NSD2: variants seen among roughly 807,000 people sequenced by gnomAD.
NSD2 encodes the protein nuclear receptor binding SET domain protein 2, also known as histone-lysine N-methyltransferase NSD2.
In NSD2, 12 loss-of-function variants were observed where a neutral mutation model predicts 139.0. The ratio of observed to expected loss-of-function variants is 0.09; its 90% CI spans 0.06 to 0.14. The LOEUF (loss-of-function observed/expected upper bound fraction) is 0.14, where lower values mean the gene tolerates loss of function less well. Ranked by LOEUF, NSD2 falls within the 10% of genes least tolerant of loss-of-function variation. NSD2 has a pLI of 1.00. For missense variants in NSD2, 1,155 were observed against 1,745.0 expected (o/e 0.66, Z 6.02); for synonymous variants, 669 against 648.7 (o/e 1.03, Z -0.48).
At chr4:1,912,775 C>G (rs1718851989) in intron 3 of NSD2, among the ~76,000 whole-genome samples, 1 of 152,086 alleles carries the variant, frequency 6.6e-6, no homozygotes, top group Non-Finnish European at 1.5e-5. Context: ...GAGCTCTCTC[C>G]TAGAATCTTC....
At position 1,956,288 on chromosome 4, in the gene NSD2, A is replaced by G. The variant is rs1157761661; in HGVS notation, c.2881+100A>G. ...ATTTGATCTTTATAGAAAATACTGGACTAAGCATTCAATCTGTTTTTTTAA... is the reference window on the plus strand; with the variant it reads ...ATTTGATCTTTATAGAAAATACTGGGCTAAGCATTCAATCTGTTTTTTTAA... On this transcript the variant is annotated intron_variant, in intron 15 of 21. Coordinates refer to ENST00000508803, the MANE Select transcript of NSD2 (RefSeq NM_001042424.3). This position sits in a 1 kb window ranked among gnomAD's most constrained non-coding sequence, Gnocchi z 5.3. 3.8e-6 allele frequency: 4 copies of G among 1,054,752 alleles called. No homozygotes were observed. In the East Asian group the frequency reaches 7.8e-5, roughly 20 times the overall value. The allele number at this position is 1,054,752 out of a possible 1,614,324, so 65.3% of individuals were successfully genotyped here.
chr4:1,932,936 C>G (rs1721841162), intron 6 of NSD2, among the ~76,000 whole-genome samples: 1 of 152,204 alleles, frequency 6.6e-6, no homozygotes, highest in African/African-American at 2.4e-5. Context: ...AACGGGTGTT[C>G]TGAAGGCAGA....
intron 1 of NSD2, among the ~76,000 whole-genome samples, chr4:1,895,974 C>T (rs554015039): frequency 1.3e-5 from 2 of 152,336 alleles, no homozygotes; most frequent in East Asian, 3.9e-4. Context: ...ATGAGGAAGT[C>T]CTCTGCCTGG....
At chr4:1,944,703 T>A (rs1457317899) in intron 9 of NSD2, 46 of 1,064,712 alleles carry the variant, frequency 4.3e-5, no homozygotes, top group Admixed American at 5.4e-5. Context: ...GAATTGTTTT[T>A]CTAAGACTGA....
intron 1 of NSD2, among the ~76,000 whole-genome samples, chr4:1,872,386 G>T (rs1325685045): frequency 6.6e-6 from 1 of 152,142 alleles, no homozygotes; most frequent in South Asian, 2.1e-4. Flanking sequence ...TAAAATCTCG[G>T]CGTTTAAAAA....
chr4:1,933,017 C>T (rs1721855349), intron 6 of NSD2, among the ~76,000 whole-genome samples: 1 of 152,226 alleles, frequency 6.6e-6, no homozygotes, highest in Non-Finnish European at 1.5e-5. Context: ...AGTGCCTGAG[C>T]AGGTCCTGCT....
At chr4:1,878,758 T>G (rs1714488554) in intron 1 of NSD2, among the ~76,000 whole-genome samples, 1 of 152,106 alleles carries the variant, frequency 6.6e-6, no homozygotes, top group Non-Finnish European at 1.5e-5. Flanking sequence ...CATGGGCTGG[T>G]GGCAGAGGTC....
At chr4:1,975,958 C>T (rs1727031715) in intron 20 of NSD2, among the ~76,000 whole-genome samples, 1 of 152,188 alleles carries the variant, frequency 6.6e-6, no homozygotes, top group African/African-American at 2.4e-5. Flanking sequence ...GGCACTCTTG[C>T]ACCCCTTCCC....
At chr4:1,911,491 G>C (rs1718651261) in intron 3 of NSD2, among the ~76,000 whole-genome samples, 2 of 150,976 alleles carry the variant, frequency 1.3e-5, no homozygotes, top group Admixed American at 6.6e-5. Context: ...GGAAGGCTGA[G>C]GCATGAGAAT....
rs763851539 is a variant in NSD2 at position 1,939,657 on chromosome 4, C to T, written c.1760C>T (p.Thr587Met). The T allele has an allele frequency of 1.5e-5, 24 of 1,613,858 alleles. No homozygotes were observed. Among genetic ancestry groups the T allele is most frequent in the East Asian group, 4.5e-5 (2 of 44,898 alleles). The change falls in exon 9 of 22, where the codon ACG becomes ATG. Residue 587 changes from threonine to methionine, a missense_variant. This residue lies in a region of NSD2 where 420 missense variants were observed against 469.0 expected (regional missense o/e 0.90). Coordinates refer to ENST00000508803, the MANE Select transcript of NSD2 (RefSeq NM_001042424.3). ...AASSLKSQAA[T>M]KNLSDACKPL... ...ACAAACCAAAATTATTTTACAGCAACGAAAAATCTGTCTGATGCATGTAAA... is the reference window on the plus strand; with the variant it reads ...ACAAACCAAAATTATTTTACAGCAATGAAAAATCTGTCTGATGCATGTAAA...
At position 1,959,721 on chromosome 4, in the gene NSD2, C is replaced by T; in HGVS notation, c.3236C>T (p.Ala1079Val). ...GATGGCAAAGGGTGGGGCCTGGTCG[C>T]CAAGAGGGACATCAGAAAGGTATGT... is the stretch of plus-strand genomic sequence containing the variant. ...KTDGKGWGLV[A>V]KRDIRKGEFV... The change falls in exon 17 of 22, where the codon GCC becomes GTC. Residue 1079 changes from alanine (A) to valine (V), a missense_variant. Coordinates refer to ENST00000508803, the MANE Select transcript of NSD2 (RefSeq NM_001042424.3). The T allele has an allele frequency of 6.2e-7, 1 of 1,613,926 alleles. No homozygotes were observed. Among genetic ancestry groups the T allele is most frequent in the Non-Finnish European group, 8.5e-7 (1 of 1,179,866 alleles).
intron 9 of NSD2, chr4:1,946,145 G>C: frequency 9.7e-7 from 1 of 1,026,794 alleles, no homozygotes; most frequent in African/African-American, 1.7e-5. Flanking sequence ...CTAAATTATA[G>C]TCTTTTGCCA....
intron 5 of NSD2, among the ~76,000 whole-genome samples, chr4:1,920,187 C>T (rs552593642): frequency 2.3e-4 from 35 of 152,254 alleles, no homozygotes; most frequent in Non-Finnish European, 4.4e-4. Context: ...TGGTGGCTCC[C>T]GCCTGTAATC....
intron 3 of NSD2, among the ~76,000 whole-genome samples, chr4:1,906,265 G>A (rs1717884880): frequency 6.6e-6 from 1 of 152,034 alleles, no homozygotes; most frequent in Admixed American, 6.6e-5. Flanking sequence ...TGGGGATGGA[G>A]GCTCGCTCCA....
intron 11 of NSD2, chr4:1,952,737 A>G (rs1724404988): frequency 1.9e-6 from 2 of 1,079,544 alleles, no homozygotes. Context: ...TTCTGCCTCC[A>G]TGTTACTGCA....
Position 1,976,353 on chromosome 4 carries a change from C to T in NSD2, c.3622-122C>T. The T allele has an allele frequency of 9.4e-7, 1 of 1,067,062 alleles. No individual in the cohort carries two copies. Among genetic ancestry groups the T allele is most frequent in the Admixed American group, 2.2e-5 (1 of 45,216 alleles). 66.1% of individuals were successfully genotyped at this position (1,067,062 alleles called of 1,614,324 possible). ...ACGAGGAGGACACTCCTCTCCTCTCCTCTTAGTGTTGGGCACCTGCAGAGA... is the reference window on the plus strand; with the variant it reads ...ACGAGGAGGACACTCCTCTCCTCTCTTCTTAGTGTTGGGCACCTGCAGAGA... On this transcript the variant is annotated intron_variant, in intron 20 of 21. Transcript: ENST00000508803. This position sits in a 1 kb window ranked among gnomAD's most constrained non-coding sequence, Gnocchi z 5.3.
chr4:1,975,548 G>A (rs1726984377), intron 20 of NSD2, 148 bp downstream of exon 20: 2 of 660,682 alleles, frequency 3.0e-6, no homozygotes, highest in Admixed American at 2.8e-5. Context: ...GGGCTGGGGA[G>A]GATGGCTCTC....
chr4:1,915,541 C>G (rs1035838493), intron 3 of NSD2, among the ~76,000 whole-genome samples: 1 of 152,158 alleles, frequency 6.6e-6, no homozygotes, highest in Non-Finnish European at 1.5e-5. Context: ...GTCTGTGGCC[C>G]TGCAGAGGGC....
At chr4:1,904,016 G>C (rs1264289909) in intron 2 of NSD2, among the ~76,000 whole-genome samples, 200 bp from the exon 3 acceptor site, 3 of 152,206 alleles carry the variant, frequency 2.0e-5, no homozygotes, top group Non-Finnish European at 4.4e-5. Flanking sequence ...CTACAGGCGT[G>C]AGCCACCGCA....
Sources: gnomAD v4.1 joint callset for allele counts (sites outside exome capture counted in the v4.1 genomes callset) on GRCh38, gnomAD v4.1.1 for gene constraint, gnomAD v4.1.1 regional missense constraint, Gnocchi (gnomAD v3.1) non-coding constraint, MANE v1.5 for transcripts, NCBI Gene and HGNC (gene_info 2026-07-23, HGNC 2026-07-21) for gene names.